Variants in DNAJC5 observed in about 807,000 individuals in gnomAD.
DNAJC5 encodes the protein DnaJ heat shock protein family (Hsp40) member C5, also known as dnaJ homolog subfamily C member 5.
Under a neutral mutation model 23.2 loss-of-function variants are expected in DNAJC5, and 1 was observed. The ratio of observed to expected loss-of-function variants is 0.04; its 90% confidence interval spans 0.02 to 0.20. The LOEUF is 0.20. Among genes scored for constraint, DNAJC5 ranks in the 10% least tolerant of loss-of-function variants. The pLI, the probability that DNAJC5 is intolerant of heterozygous loss-of-function variation, is 1.00. For missense variants in DNAJC5, 180 were observed against 267.0 expected (o/e 0.67, Z 2.27); for synonymous variants, 136 against 120.0 (o/e 1.13, Z -0.87).
chr20:63,904,802 GTTTGTT>G (rs2146274412), intron 1 of DNAJC5, among the ~76,000 whole-genome samples: 1 of 150,360 alleles, frequency 6.7e-6, no homozygotes, highest in Non-Finnish European at 1.5e-5. Flanking sequence ...GGGTTTTTTT[GTTTGTT>G]TTTGTTTTTC....
In DNAJC5 at chr20:63,929,174, G is replaced by A; in HGVS notation, c.108-138G>A. 2 of 1,012,174 alleles carry A rather than the reference G, an allele frequency of 2.0e-6. No homozygotes were observed. Among genetic ancestry groups the A allele is most frequent in the Non-Finnish European group, 1.5e-6 (1 of 662,950 alleles). The allele number at this position is 1,012,174 out of a possible 1,614,324, so 62.7% of individuals were successfully genotyped here. On this transcript the variant is annotated intron_variant, in intron 2 of 4. Coordinates refer to ENST00000360864, the MANE Select transcript of DNAJC5 (RefSeq NM_025219.3). This position sits in a 1 kb window ranked among gnomAD's most constrained non-coding sequence, Gnocchi z 8.6. Reference sequence around the variant, plus strand: ...TTTGTCCCTGGCCCCTGCAGCCCTGGAGAGTCGGACAGTGAGGTGGCCTGG... The same window carrying A: ...TTTGTCCCTGGCCCCTGCAGCCCTGAAGAGTCGGACAGTGAGGTGGCCTGG...
At position 63,931,135 on chromosome 20, in the gene DNAJC5, G is replaced by T; in HGVS notation, c.493+113G>T. ...AGGGCACTGACACTGTGCCGCGAGT[G>T]TTTGTGGTGGCAGCTGGGACTGTTG... On this transcript the variant is annotated intron_variant, in intron 4 of 4. Transcript: ENST00000360864. This position sits in a 1 kb window ranked among gnomAD's most constrained non-coding sequence, Gnocchi z 9.6. The T allele has an allele frequency of 1.7e-6, 2 of 1,178,976 alleles. No homozygotes were observed. The highest frequency in any genetic ancestry group is 1.2e-6 in the Non-Finnish European group (1 of 814,996). 73.0% of individuals were successfully genotyped at this position (1,178,976 alleles called of 1,614,324 possible).
At chr20:63,926,753 A>G (rs1216715426) in intron 1 of DNAJC5, among the ~76,000 whole-genome samples, 1 of 152,174 alleles carries the variant, frequency 6.6e-6, no homozygotes, top group African/African-American at 2.4e-5. Context: ...GACTGGGACG[A>G]CACTCACCTG....
At chr20:63,899,184 T>C (rs902477612) in intron 1 of DNAJC5, among the ~76,000 whole-genome samples, 1 of 152,124 alleles carries the variant, frequency 6.6e-6, no homozygotes, top group South Asian at 2.1e-4. Flanking sequence ...GCTTCCTAAA[T>C]AGAAGGGACA....
intron 1 of DNAJC5, among the ~76,000 whole-genome samples, chr20:63,906,909 C>T (rs997732445): frequency 1.2e-4 from 18 of 151,990 alleles, no homozygotes; most frequent in Non-Finnish European, 2.5e-4. Context: ...TTTGCCTAGC[C>T]TGGGCAACTT....
intron 1 of DNAJC5, among the ~76,000 whole-genome samples, chr20:63,918,827 C>T (rs897516827): frequency 6.6e-6 from 1 of 152,228 alleles, no homozygotes; most frequent in South Asian, 2.1e-4. Context: ...ATCTCCTGAC[C>T]TTGTGACCCG....
intron 1 of DNAJC5, among the ~76,000 whole-genome samples, chr20:63,924,103 A>G (rs908005343): frequency 1.3e-5 from 2 of 152,144 alleles, no homozygotes; most frequent in Admixed American, 6.6e-5. Flanking sequence ...TATGTCTTGA[A>G]ATCAATAGGG....
chr20:63,931,049 G>A lies in DNAJC5; in HGVS notation c.493+27G>A. The A allele has an allele frequency of 6.2e-7, 1 of 1,610,760 alleles. No individual in the cohort carries two copies. The highest frequency in any genetic ancestry group is 1.1e-5 in the South Asian group (1 of 91,016). On this transcript the variant is annotated intron_variant, in intron 4 of 4. Transcript: ENST00000360864. The surrounding 1 kb of genome is among the most constrained non-coding windows in gnomAD (Gnocchi z 9.6). ...TGAGTGCCCGCCCCAGGGCCCGTGT[G>A]TGTGTGTGGGGCAGAGCCAGAATGG...
At chr20:63,925,116 C>T (rs116550180) in intron 1 of DNAJC5, among the ~76,000 whole-genome samples, 1,914 of 152,222 alleles carry the variant, frequency 0.013, 29 homozygotes, top group African/African-American at 0.042. Context: ...ACTCAGGATG[C>T]GGAGTGCTTG....
Position 63,934,931 on chromosome 20 carries a change from G to A in DNAJC5, c.*3363G>A, listed in dbSNP as rs1325763643. 1 of 152,284 alleles carries A rather than the reference G, an allele frequency of 6.6e-6. No individual in the cohort carries two copies. Among genetic ancestry groups the A allele is most frequent in the Admixed American group, 6.5e-5 (1 of 15,278 alleles). 9.4% of individuals were successfully genotyped at this position (152,284 alleles called of 1,614,324 possible). ...GTCCGGGTGCTGCGGGCAGAGTTCA[G>A]CGCTTGTCCACCCTCCCTTAGCTCT... On this transcript the variant is annotated 3_prime_UTR_variant, in exon 5 of 5. Transcript: ENST00000360864.
chr20:63,922,970 A>G (rs371544219), intron 1 of DNAJC5, among the ~76,000 whole-genome samples: 31 of 151,188 alleles, frequency 2.1e-4, no homozygotes, highest in African/African-American at 5.6e-4. Context: ...GCAAAACCCA[A>G]TCTCTACTAA....
At chr20:63,896,601 C>G (rs1239751679) in intron 1 of DNAJC5, among the ~76,000 whole-genome samples, 1 of 152,192 alleles carries the variant, frequency 6.6e-6, no homozygotes, top group Non-Finnish European at 1.5e-5. Flanking sequence ...ATGCTCTGTC[C>G]TTGGATCTTC....
At chr20:63,908,055 T>TG (rs770082244) in intron 1 of DNAJC5, among the ~76,000 whole-genome samples, 1 of 152,216 alleles carries the variant, frequency 6.6e-6, no homozygotes, top group Non-Finnish European at 1.5e-5. Flanking sequence ...CGTGAGCCAC[T>TG]GCGCCTGGCC....
chr20:63,909,425 C>T (rs1180576999), intron 1 of DNAJC5, among the ~76,000 whole-genome samples: 5 of 152,208 alleles, frequency 3.3e-5, no homozygotes, highest in African/African-American at 1.2e-4. Flanking sequence ...ATGGCGTGAA[C>T]CAGGGAGGCG....
At chr20:63,925,971 G>T (rs549564097) in intron 1 of DNAJC5, among the ~76,000 whole-genome samples, 17 of 152,078 alleles carry the variant, frequency 1.1e-4, no homozygotes, top group African/African-American at 4.1e-4. Flanking sequence ...GGGACTACAG[G>T]TGCCTGCCAC....
chr20:63,918,521 TATTG>T (rs2053532841), intron 1 of DNAJC5, among the ~76,000 whole-genome samples: 1 of 152,252 alleles, frequency 6.6e-6, no homozygotes, highest in African/African-American at 2.4e-5. Context: ...ACTTCCAAGT[TATTG>T]ATAATTTTCC....
At position 63,929,641 on chromosome 20, in the gene DNAJC5, T is replaced by C. The variant is rs576774539; in HGVS notation, c.321+116T>C. ...CTCCTGCCGTGCGGGCACCCGAGTC[T>C]CTCCTGCCGTGCGGGCACCCGAGTC... On this transcript the variant is annotated intron_variant, in intron 3 of 4. Coordinates refer to ENST00000360864, the MANE Select transcript of DNAJC5 (RefSeq NM_025219.3). The surrounding 1 kb of genome is among the most constrained non-coding windows in gnomAD (Gnocchi z 8.6). The C allele has an allele frequency of 1.2e-6, 1 of 845,070 alleles. No homozygotes were observed. The highest frequency in any genetic ancestry group is 2.3e-5 in the Admixed American group (1 of 43,472). 52.3% of individuals were successfully genotyped at this position (845,070 alleles called of 1,614,324 possible).
At position 63,920,405 on chromosome 20, in the gene DNAJC5, G is replaced by T. The variant is rs1333322887; in HGVS notation, c.-11-7930G>T. 6.7e-6 allele frequency among the ~76,000 whole-genome samples: 1 copy of T among 149,998 alleles called. No individual in the cohort carries two copies. The highest frequency in any genetic ancestry group is 3.4e-3 in the Middle Eastern group (1 of 294). ...AGGGGCTGGCGTCAGCAGGGCTCTC[G>T]TCCGCCAACGTCTGGTGGGGATGCC... On this transcript the variant is annotated intron_variant, in intron 1 of 4. Transcript: ENST00000360864. This position sits in a 1 kb window ranked among gnomAD's most constrained non-coding sequence, Gnocchi z 4.6.
chr20:63,899,892 T>G (rs1448761791), intron 1 of DNAJC5, among the ~76,000 whole-genome samples: 2 of 149,954 alleles, frequency 1.3e-5, no homozygotes. Context: ...TTTTTTTTTT[T>G]TTTTTTTTGG....
Sources: gnomAD v4.1 joint callset for allele counts (sites outside exome capture counted in the v4.1 genomes callset) on GRCh38, gnomAD v4.1.1 for gene constraint, Gnocchi (gnomAD v3.1) non-coding constraint, MANE v1.5 for transcripts, NCBI Gene and HGNC (gene_info 2026-07-23, HGNC 2026-07-21) for gene names.